The following CDKL5 variants were observed in gnomAD, a reference collection of about 807,000 sequenced individuals.
CDKL5 encodes the protein cyclin-dependent kinase-like 5.
Under a neutral mutation model 61.7 loss-of-function variants are expected in CDKL5, and 8 were observed. The ratio of observed to expected loss-of-function variants is 0.13; its 90% CI spans 0.08 to 0.23. CDKL5 has a LOEUF of 0.23. Ranked by LOEUF, CDKL5 falls within the 10% of genes least tolerant of loss-of-function variation. CDKL5 has a pLI of 1.00. For missense variants in CDKL5, 440 were observed against 734.5 expected (o/e 0.60, Z 4.63); for synonymous variants, 275 against 272.3 (o/e 1.01, Z -0.10).
chrX:18,618,945 G>A (rs1192081099), intron 15 of CDKL5, among the ~76,000 whole-genome samples: 3 of 110,547 alleles, frequency 2.7e-5, no homozygotes, highest in African/African-American at 9.9e-5. Context: ...CTCCAGCCTG[G>A]GCAACAGAGC....
intron 1 of CDKL5, among the ~76,000 whole-genome samples, chrX:18,479,314 CT>C (rs761687087): frequency 0.013 from 859 of 66,520 alleles, 2 homozygotes; most frequent in Admixed American, 0.037. Flanking sequence ...GCCACTATTT[CT>C]TTTTTTTTTT....
chrX:18,644,749 G>A (rs1927713779), downstream of CDKL5: 1 of 649,637 alleles, frequency 1.5e-6, no homozygotes, highest in East Asian at 3.4e-5. Context: ...CGGGCAGTCT[G>A]GGCTGCAGTC....
chrX:18,514,459 C>A (rs1313529408), intron 3 of CDKL5, among the ~76,000 whole-genome samples: 1 of 111,434 alleles, frequency 9.0e-6, no homozygotes, highest in African/African-American at 3.3e-5. Context: ...GTAATCCCAG[C>A]ACCTTAGGAG....
At chrX:18,473,226 T>A (rs747254138) in intron 1 of CDKL5, among the ~76,000 whole-genome samples, 44 of 110,999 alleles carry the variant, frequency 4.0e-4, no homozygotes, top group Non-Finnish European at 1.1e-4. Flanking sequence ...CCCAAAGTGC[T>A]GGAATTACAG....
chrX:18,653,237 G>C (rs1928122736), intron 21 of CDKL5, among the ~76,000 whole-genome samples: 2 of 111,991 alleles, frequency 1.8e-5, no homozygotes, highest in Admixed American at 9.5e-5. Context: ...TTTGCTCTCA[G>C]AGTGCCGGGG....
intron 3 of CDKL5, among the ~76,000 whole-genome samples, chrX:18,511,185 A>T (rs1416156492): frequency 1.8e-5 from 2 of 112,154 alleles, no homozygotes; most frequent in Non-Finnish European, 3.8e-5. Flanking sequence ...CACTTGTGGC[A>T]TCATATCAGT....
intron 1 of CDKL5, among the ~76,000 whole-genome samples, chrX:18,433,950 C>T (rs769157733): frequency 2.1e-4 from 24 of 112,468 alleles, no homozygotes; most frequent in African/African-American, 7.1e-4. Flanking sequence ...GTAGAGCAGG[C>T]TTCATCAAAT....
At chrX:18,521,430 A>G (rs1483590620) in intron 3 of CDKL5, among the ~76,000 whole-genome samples, 2 of 111,267 alleles carry the variant, frequency 1.8e-5, no homozygotes, top group East Asian at 5.6e-4. Context: ...ACCATTGCCG[A>G]ATCCAATGTC....
At chrX:18,436,028 C>G (rs1931602401) in intron 1 of CDKL5, among the ~76,000 whole-genome samples, 1 of 111,717 alleles carries the variant, frequency 9.0e-6, no homozygotes, top group Non-Finnish European at 1.9e-5. Context: ...CTACTGTTGA[C>G]TGGAAGCCTT....
At chrX:18,567,083 C>A (rs1188194019) in intron 4 of CDKL5, among the ~76,000 whole-genome samples, 2 of 112,028 alleles carry the variant, frequency 1.8e-5, no homozygotes, top group African/African-American at 3.2e-5. Flanking sequence ...ACATTTCTCC[C>A]AGGGAGATAC....
At chrX:18,649,078 A>G (rs1316286547) in intron 20 of CDKL5, among the ~76,000 whole-genome samples, 1 of 108,828 alleles carries the variant, frequency 9.2e-6, no homozygotes, top group Non-Finnish European at 1.9e-5. Flanking sequence ...CAGAGACCTT[A>G]GCCTTGATAA....
intron 4 of CDKL5, among the ~76,000 whole-genome samples, chrX:18,569,417 A>G (rs998599312): frequency 1.8e-5 from 2 of 112,046 alleles, no homozygotes; most frequent in Non-Finnish European, 3.8e-5. Context: ...ATGACCATAG[A>G]TCATAAAGAT....
At chrX:18,488,703 G>A (rs1276312906) in intron 1 of CDKL5, among the ~76,000 whole-genome samples, 2 of 111,686 alleles carry the variant, frequency 1.8e-5, no homozygotes, top group Non-Finnish European at 1.9e-5. Context: ...ACACTGTAAA[G>A]CAAAACAAAA....
chrX:18,554,410 CTG>C (rs1370381903), intron 3 of CDKL5, among the ~76,000 whole-genome samples: 3 of 105,867 alleles, frequency 2.8e-5, no homozygotes, highest in Non-Finnish European at 5.8e-5. Flanking sequence ...GTATATTTCA[CTG>C]TCTTTTTTTT....
At chrX:18,448,883 T>G (rs1162255406) in intron 1 of CDKL5, among the ~76,000 whole-genome samples, 2 of 112,195 alleles carry the variant, frequency 1.8e-5, no homozygotes, top group African/African-American at 6.5e-5. Context: ...TGAGACGAAG[T>G]CTCACTCTGT....
chrX:18,536,439 T>G (rs955860330), intron 3 of CDKL5, among the ~76,000 whole-genome samples: 2 of 64,770 alleles, frequency 3.1e-5, no homozygotes, highest in Non-Finnish European at 5.7e-5. Flanking sequence ...CAGGTTTTTT[T>G]TTTTTTTTTT....
intron 15 of CDKL5, among the ~76,000 whole-genome samples, chrX:18,615,058 G>C (rs1446383476): frequency 8.9e-6 from 1 of 112,129 alleles, no homozygotes; most frequent in Non-Finnish European, 1.9e-5. Context: ...AAAAAGAGTT[G>C]TTTTAAAAAG....
intron 4 of CDKL5, among the ~76,000 whole-genome samples, chrX:18,573,600 C>T (rs1925204239): frequency 1.8e-5 from 2 of 112,380 alleles, no homozygotes; most frequent in Non-Finnish European, 3.8e-5. Flanking sequence ...TGCTCTTTTC[C>T]CTGTAAGTAC....
At chrX:18,492,082 C>G (rs1444263892) in intron 1 of CDKL5, among the ~76,000 whole-genome samples, 1 of 111,055 alleles carries the variant, frequency 9.0e-6, no homozygotes, top group African/African-American at 3.3e-5. Context: ...AAATTGGTTT[C>G]CAATTTGATA....
Sources: allele counts gnomAD v4.1 joint callset (sites outside exome capture counted in the v4.1 genomes callset), GRCh38; gene constraint gnomAD v4.1.1; transcripts MANE v1.5; gene names NCBI Gene and HGNC (gene_info 2026-07-23, HGNC 2026-07-21).